NRXN3: variants seen among roughly 807,000 people sequenced by gnomAD.
The protein encoded by NRXN3 is neurexin III.
Under a neutral mutation model 137.6 loss-of-function variants are expected in NRXN3, and 32 were observed. That is an observed-to-expected ratio of 0.23 (90% CI 0.18 to 0.31). The LOEUF is 0.31. Ranked by LOEUF, NRXN3 falls within the 10% of genes least tolerant of loss-of-function variation. The probability of loss-of-function intolerance (pLI) is 1.00; values close to 1 mark genes in which losing one functional copy is unlikely to be tolerated. For missense variants in NRXN3, 1,574 were observed against 2,062.5 expected (o/e 0.76, Z 4.59); for synonymous variants, 798 against 784.5 (o/e 1.02, Z -0.29).
At chr14:79,218,723 GAAC>G (rs376012355) in intron 15 of NRXN3, among the ~76,000 whole-genome samples, 2 of 152,228 alleles carry the variant, frequency 1.3e-5, no homozygotes, top group African/African-American at 4.8e-5. Flanking sequence ...GTTTATTTGA[GAAC>G]AACAACAAAA....
At chr14:78,855,448 A>T (rs2099054491) in intron 10 of NRXN3, among the ~76,000 whole-genome samples, 1 of 152,166 alleles carries the variant, frequency 6.6e-6, no homozygotes, top group African/African-American at 2.4e-5. Context: ...TTACATTTAG[A>T]ATAAAACCTG....
chr14:78,287,877 C>T (rs1470890116), intron 3 of NRXN3, among the ~76,000 whole-genome samples: 1 of 151,994 alleles, frequency 6.6e-6, no homozygotes, highest in Non-Finnish European at 1.5e-5. Flanking sequence ...AAAAATGACA[C>T]ATTTTATTTT....
rs570440120 is a variant in NRXN3, at chr14:78,341,169, G to C, written c.757+43309G>C. ...TTTCCGAGGGTGAGATTCTCATGAG[G>C]GCATAAGTGGGTGTTTTGGGGGGAA... On this transcript the variant is annotated intron_variant, in intron 4 of 20. Transcript: ENST00000335750. Among the ~76,000 whole-genome samples the C allele has an allele frequency of 5.3e-5, 8 of 152,172 alleles. No individual in the cohort carries two copies. The East Asian group carries it at 1.5e-3, about 29-fold the overall frequency.
At chr14:79,462,245 T>G (rs2153605029) in intron 15 of NRXN3, among the ~76,000 whole-genome samples, 1 of 152,010 alleles carries the variant, frequency 6.6e-6, no homozygotes. Context: ...TGGTGGTGCA[T>G]GCCTGTAATC....
At chr14:79,104,966 G>A (rs1229092960) in intron 15 of NRXN3, among the ~76,000 whole-genome samples, 3 of 151,892 alleles carry the variant, frequency 2.0e-5, no homozygotes, top group South Asian at 2.1e-4. Context: ...ATAATAATTC[G>A]GCAGTTTTCA....
intron 15 of NRXN3, among the ~76,000 whole-genome samples, chr14:79,061,885 G>C (rs1440410191): frequency 6.6e-6 from 1 of 152,066 alleles, no homozygotes; most frequent in East Asian, 1.9e-4. Context: ...AAGAATAATA[G>C]CTGTTGTTTC....
intron 4 of NRXN3, among the ~76,000 whole-genome samples, chr14:78,321,703 CTTCCT>C (rs1423757425): frequency 1.3e-5 from 2 of 152,010 alleles, no homozygotes; most frequent in African/African-American, 4.8e-5. Context: ...GGGTGTACTT[CTTCCT>C]TTCACAGTTT....
At chr14:79,734,148 T>C (rs753556145) in intron 19 of NRXN3, among the ~76,000 whole-genome samples, 100 of 152,336 alleles carry the variant, frequency 6.6e-4, no homozygotes, top group Non-Finnish European at 6.8e-4. Context: ...TAAACAGACT[T>C]GTTTTTCCTC....
intron 20 of NRXN3, among the ~76,000 whole-genome samples, chr14:79,860,639 C>G (rs2141943712): frequency 6.6e-6 from 1 of 152,320 alleles, no homozygotes; most frequent in East Asian, 1.9e-4. Context: ...ATAAAGAAAT[C>G]TTAAACGCAT....
At chr14:78,416,009 G>T (rs2093117705) in intron 4 of NRXN3, among the ~76,000 whole-genome samples, 2 of 152,108 alleles carry the variant, frequency 1.3e-5, no homozygotes, top group African/African-American at 2.4e-5. Flanking sequence ...TCTTCTTAAG[G>T]TTTAGCCTGG....
intron 20 of NRXN3, among the ~76,000 whole-genome samples, chr14:79,823,741 A>G (rs1001086873): frequency 6.6e-6 from 1 of 152,142 alleles, no homozygotes; most frequent in East Asian, 1.9e-4. Flanking sequence ...CAGACCCGTA[A>G]TTTTTTAAAA....
At chr14:78,451,681 G>A (rs2094555049) in intron 4 of NRXN3, among the ~76,000 whole-genome samples, 1 of 152,206 alleles carries the variant, frequency 6.6e-6, no homozygotes, top group African/African-American at 2.4e-5. Context: ...AATGCTGTCT[G>A]CTCCTGGTGG....
At chr14:78,970,550 G>C (rs1277980193) in intron 14 of NRXN3, among the ~76,000 whole-genome samples, 2 of 152,060 alleles carry the variant, frequency 1.3e-5, no homozygotes, top group Non-Finnish European at 2.9e-5. Context: ...AAAAATTAAG[G>C]TGTAAATAAA....
At chr14:79,689,909 T>G (rs181224395) in intron 17 of NRXN3, among the ~76,000 whole-genome samples, 6 of 152,306 alleles carry the variant, frequency 3.9e-5, no homozygotes, top group African/African-American at 1.4e-4. Context: ...GAATTTTAGT[T>G]ACTTCTGATT....
chr14:78,233,591 T>TAA (rs1205012816), intron 1 of NRXN3, among the ~76,000 whole-genome samples: 1 of 147,350 alleles, frequency 6.8e-6, no homozygotes, highest in African/African-American at 2.5e-5. Context: ...GATAAAGACA[T>TAA]AAATACTCTC....
intron 15 of NRXN3, among the ~76,000 whole-genome samples, chr14:79,404,467 T>C (rs10144614): frequency 0.7 from 106,701 of 151,896 alleles, 37,785 homozygotes; most frequent in Middle Eastern, 0.84. Flanking sequence ...TTCTCTCCTA[T>C]TCCACACTCG....
At chr14:79,755,993 C>T (rs1202219979) in intron 19 of NRXN3, among the ~76,000 whole-genome samples, 1 of 152,062 alleles carries the variant, frequency 6.6e-6, no homozygotes, top group East Asian at 1.9e-4. Flanking sequence ...TTTTCATTTA[C>T]TTTCTGGCTT....
intron 15 of NRXN3, among the ~76,000 whole-genome samples, chr14:79,457,040 C>T (rs1857823475): frequency 6.8e-6 from 1 of 148,100 alleles, no homozygotes; most frequent in South Asian, 2.1e-4. Context: ...TTCTCTGGTT[C>T]CAGGTTTAAA....
intron 15 of NRXN3, among the ~76,000 whole-genome samples, chr14:79,303,163 G>A (rs146017685): frequency 6.6e-6 from 1 of 152,080 alleles, no homozygotes; most frequent in East Asian, 1.9e-4. Flanking sequence ...CAGGCTTGGG[G>A]CTTTAGGGAA....
Sources: allele counts gnomAD v4.1 joint callset (sites outside exome capture counted in the v4.1 genomes callset), GRCh38; gene constraint gnomAD v4.1.1; transcripts MANE v1.5; gene names NCBI Gene and HGNC (gene_info 2026-07-23, HGNC 2026-07-21).